Variants in GLIS3 observed in about 807,000 individuals in gnomAD.
GLIS3 encodes the protein zinc finger protein GLIS3.
In GLIS3, 53 loss-of-function variants were observed where a neutral mutation model predicts 78.6. The ratio of observed to expected loss-of-function variants is 0.67; its 90% CI spans 0.54 to 0.85. GLIS3 has a LOEUF of 0.85. Among genes scored for constraint, GLIS3 ranks in the 40% least tolerant of loss-of-function variants. The pLI, the probability that GLIS3 is intolerant of heterozygous loss-of-function variation, is 0.00. For synonymous variants in GLIS3, 684 were observed against 509.9 expected (o/e 1.34, Z -4.60); for missense variants, 1,703 against 1,231.1 (o/e 1.38, Z -5.74).
intron 2 of GLIS3, among the ~76,000 whole-genome samples, chr9:4,233,603 G>A (rs923517687): frequency 6.6e-6 from 1 of 152,178 alleles, no homozygotes; most frequent in Non-Finnish European, 1.5e-5. Flanking sequence ...TAGATCACAG[G>A]CAGAATAGAT....
intron 6 of GLIS3, among the ~76,000 whole-genome samples, chr9:3,914,488 T>C (rs1824370606): frequency 6.6e-6 from 1 of 152,254 alleles, no homozygotes; most frequent in African/African-American, 2.4e-5. Flanking sequence ...CTTTATAATA[T>C]TCAACCCACA....
rs766462352 is a variant in GLIS3, at chr9:4,286,017, GT to G, written c.388+20del. Reference sequence around the variant, plus strand: ...AAAAAATCGTTTCCATTTTTAAAAGGTTCCAGAAAGACAATCCTACCTTTCC... The same window carrying G: ...AAAAAATCGTTTCCATTTTTAAAAGGTCCAGAAAGACAATCCTACCTTTCC... On this transcript the variant is annotated intron_variant, in intron 2 of 10. Coordinates refer to ENST00000381971, the MANE Select transcript of GLIS3 (RefSeq NM_001042413.2). 2.5e-6 allele frequency: 4 copies of G among 1,613,978 alleles called. No individual in the cohort carries two copies. The South Asian group carries it at 3.3e-5, about 13-fold the overall frequency.
intron 4 of GLIS3, among the ~76,000 whole-genome samples, chr9:4,085,816 T>A (rs1310875317): frequency 6.6e-6 from 1 of 152,180 alleles, no homozygotes; most frequent in African/African-American, 2.4e-5. Flanking sequence ...GATGTTCATG[T>A]CGCCTGCTTC....
intron 2 of GLIS3, among the ~76,000 whole-genome samples, chr9:4,243,295 G>A (rs138648924): frequency 6.6e-6 from 1 of 152,316 alleles, no homozygotes; most frequent in Non-Finnish European, 1.5e-5. Flanking sequence ...ATCAGTCAGA[G>A]TGATTGAGGT....
At chr9:4,048,622 G>C (rs1825453825) in intron 4 of GLIS3, among the ~76,000 whole-genome samples, 1 of 152,124 alleles carries the variant, frequency 6.6e-6, no homozygotes, top group Non-Finnish European at 1.5e-5. Context: ...TCTCTTCAAA[G>C]AGAGCACAAA....
chr9:4,479,451 C>A, the GLIS3 span, among the ~76,000 whole-genome samples: 1 of 152,038 alleles, frequency 6.6e-6, no homozygotes, highest in Non-Finnish European at 1.5e-5. Flanking sequence ...AGGGCATTTA[C>A]CTACACCTCA....
chr9:4,231,058 TGAGACTGTCTGTAAAAAAGTAAAA>T (rs1379480016), intron 2 of GLIS3, among the ~76,000 whole-genome samples: 1 of 151,930 alleles, frequency 6.6e-6, no homozygotes, highest in African/African-American at 2.4e-5. Context: ...GGCAAGAGAA[TGAGACTGTCTGTAAAAAAGTAAAA>T]AATAAAATAA....
chr9:4,340,096 T>C lies in GLIS3; in HGVS notation n.264+6985A>G, dbSNP rs559394828. On this transcript the variant is annotated intron_variant and non_coding_transcript_variant, in intron 2 of 4. Transcript: ENST00000471664. ...CATGTCCTCACGGCTTGGCTTAGCA[T>C]GAGGTTGATATTCCCCTAGAATCTC... Among the ~76,000 whole-genome samples the C allele has an allele frequency of 2.6e-5, 4 of 151,876 alleles. No homozygotes were observed. The South Asian group carries it at 8.3e-4, about 32-fold the overall frequency.
chr9:4,393,044 T>G, the GLIS3 span, among the ~76,000 whole-genome samples: 7 of 152,344 alleles, frequency 4.6e-5, no homozygotes, highest in South Asian at 1.5e-3. Flanking sequence ...AAAAAATGAC[T>G]TGCATAATGG....
chr9:4,171,254 T>C (rs990582739), intron 2 of GLIS3, among the ~76,000 whole-genome samples: 3 of 152,196 alleles, frequency 2.0e-5, no homozygotes, highest in African/African-American at 7.2e-5. Context: ...GATAAAAGGT[T>C]CTATTTATTC....
chr9:3,953,785 CTCTCTCTCTCTATATA>C (rs1387795334), intron 4 of GLIS3, among the ~76,000 whole-genome samples: 75 of 42,302 alleles, frequency 1.8e-3, no homozygotes, highest in African/African-American at 4.9e-3. Flanking sequence ...CTCTCTCTCT[CTCTCTCTCTCTATATA>C]TATATATATA....
chr9:4,217,122 C>A (rs560229850), intron 2 of GLIS3, among the ~76,000 whole-genome samples: 1 of 152,112 alleles, frequency 6.6e-6, no homozygotes, highest in Non-Finnish European at 1.5e-5. Context: ...CAATTAAATG[C>A]GGTCTGGAAA....
At chr9:4,092,947 C>T (rs555258833) in intron 4 of GLIS3, among the ~76,000 whole-genome samples, 1 of 152,162 alleles carries the variant, frequency 6.6e-6, no homozygotes, top group African/African-American at 2.4e-5. Flanking sequence ...CACCCCCATG[C>T]ACGTGAATAA....
At chr9:4,208,209 G>A (rs1202198718) in intron 2 of GLIS3, among the ~76,000 whole-genome samples, 1 of 152,164 alleles carries the variant, frequency 6.6e-6, no homozygotes, top group African/African-American at 2.4e-5. Flanking sequence ...TCTAAAATAT[G>A]GCTTCTTTAT....
intron 2 of GLIS3, among the ~76,000 whole-genome samples, chr9:4,272,242 C>T (rs953881085): frequency 6.6e-6 from 1 of 152,186 alleles, no homozygotes. Flanking sequence ...ATTTAGTTGG[C>T]AGTGGTTTCT....
At chr9:4,460,850 T>C in the GLIS3 span, among the ~76,000 whole-genome samples, 7 of 152,182 alleles carry the variant, frequency 4.6e-5, no homozygotes, top group African/African-American at 1.4e-4. Flanking sequence ...AAAGAGACCT[T>C]GAAGAGCTTT....
chr9:4,404,869 T>A, the GLIS3 span, among the ~76,000 whole-genome samples: 1 of 151,420 alleles, frequency 6.6e-6, no homozygotes, highest in Non-Finnish European at 1.5e-5. Flanking sequence ...ATAATGAAGA[T>A]CAGAGCAGAA....
chr9:4,378,764 T>C, the GLIS3 span, among the ~76,000 whole-genome samples: 1 of 152,136 alleles, frequency 6.6e-6, no homozygotes, highest in Non-Finnish European at 1.5e-5. Flanking sequence ...ATGTGTAGGG[T>C]AAACTTCCCT....
chr9:4,036,166 T>C lies in GLIS3; in HGVS notation c.1710+81602A>G, dbSNP rs10974294. Among the ~76,000 whole-genome samples, 1,447 of 152,360 alleles carry C rather than the reference T, an allele frequency of 9.5e-3. 21 individuals carry two copies. Among genetic ancestry groups the C allele is most frequent in the African/African-American group, 0.033 (1,388 of 41,592 alleles). On this transcript the variant is annotated intron_variant, in intron 4 of 10. Coordinates refer to ENST00000381971, the MANE Select transcript of GLIS3 (RefSeq NM_001042413.2). ...ATTTTCCTTTACCGTTTGAAGACTT[T>C]TTTAACTCCTCACCAGCAACAAAAA...
Sources: allele counts gnomAD v4.1 joint callset (sites outside exome capture counted in the v4.1 genomes callset), GRCh38; gene constraint gnomAD v4.1.1; transcripts MANE v1.5; gene names NCBI Gene and HGNC (gene_info 2026-07-23, HGNC 2026-07-21).